The following RBFOX1 variants were observed in gnomAD, a reference collection of about 807,000 sequenced individuals.
RBFOX1 encodes RNA binding protein fox-1 homolog 1.
Under a neutral mutation model 57.7 loss-of-function variants are expected in RBFOX1, and 8 were observed. The ratio of observed to expected loss-of-function variants is 0.14; its 90% CI spans 0.08 to 0.25. The LOEUF (loss-of-function observed/expected upper bound fraction) is 0.25, where lower values mean the gene tolerates loss of function less well. Ranked by LOEUF, RBFOX1 falls within the 10% of genes least tolerant of loss-of-function variation. RBFOX1 has a pLI of 1.00. For missense variants in RBFOX1, 611 were observed against 548.5 expected (o/e 1.11, Z -1.14); for synonymous variants, 326 against 222.4 (o/e 1.47, Z -4.15).
At chr16:6,561,594 C>A (rs1460268225) in intron 2 of RBFOX1, among the ~76,000 whole-genome samples, 1 of 152,118 alleles carries the variant, frequency 6.6e-6, no homozygotes, top group East Asian at 1.9e-4. Context: ...TAGAACAAAC[C>A]AATTTTAGGA....
At chr16:6,607,453 CCTCT>C (rs1266141279) in intron 2 of RBFOX1, among the ~76,000 whole-genome samples, 4 of 139,126 alleles carry the variant, frequency 2.9e-5, no homozygotes, top group African/African-American at 1.1e-4. Flanking sequence ...TATCTCTCTT[CCTCT>C]CTCTCTTCCT....
chr16:5,971,566 C>A (rs2059962346), intron 4 of RBFOX1, among the ~76,000 whole-genome samples: 1 of 152,120 alleles, frequency 6.6e-6, no homozygotes, highest in Admixed American at 6.5e-5. Context: ...AAGTTAAAAT[C>A]CTGCTAATGC....
chr16:7,462,066 A>G lies in RBFOX1; in HGVS notation c.28-56081A>G, dbSNP rs986202482. 2.0e-5 allele frequency among the ~76,000 whole-genome samples: 3 copies of G among 152,206 alleles called. No homozygotes were observed. The South Asian group carries it at 6.2e-4, about 32-fold the overall frequency. On this transcript the variant is annotated intron_variant, in intron 4 of 15. Coordinates refer to ENST00000550418, the MANE Select transcript of RBFOX1 (RefSeq NM_018723.4). ...AGCTGTGGGGACAATAGAACTGTGA[A>G]AATCTTCTCCTGGGGTTCTTTTCTT...
intron 1 of RBFOX1, among the ~76,000 whole-genome samples, chr16:6,231,730 G>A (rs989791071): frequency 3.3e-5 from 5 of 151,976 alleles, no homozygotes; most frequent in Admixed American, 3.3e-4. Context: ...AAGTGGTGTT[G>A]TGTATGCTGT....
chr16:5,533,500 G>T (rs1411562100), intron 2 of RBFOX1, among the ~76,000 whole-genome samples: 1 of 152,188 alleles, frequency 6.6e-6, no homozygotes, highest in East Asian at 1.9e-4. Flanking sequence ...ATGAGTGCTT[G>T]TGTGTATTAC....
At chr16:6,542,138 C>A (rs58088753) in intron 2 of RBFOX1, among the ~76,000 whole-genome samples, 13 of 151,866 alleles carry the variant, frequency 8.6e-5, no homozygotes, top group Admixed American at 5.9e-4. Context: ...GTTGCCCAGC[C>A]TCGTCTCAAA....
intron 2 of RBFOX1, among the ~76,000 whole-genome samples, chr16:6,360,639 C>G (rs945903694): frequency 1.3e-5 from 2 of 152,106 alleles, no homozygotes; most frequent in African/African-American, 2.4e-5. Context: ...CTTGACAAAC[C>G]CTTTGTCAAG....
intron 3 of RBFOX1, among the ~76,000 whole-genome samples, chr16:6,783,700 A>G (rs1603623137): frequency 1.3e-5 from 2 of 152,150 alleles, no homozygotes; most frequent in Admixed American, 1.3e-4. Flanking sequence ...ATATTAGAAT[A>G]TTCTGTATTT....
At chr16:6,522,190 T>C (rs1457829124) in intron 2 of RBFOX1, among the ~76,000 whole-genome samples, 7 of 151,640 alleles carry the variant, frequency 4.6e-5, no homozygotes, top group Admixed American at 3.3e-4. Flanking sequence ...TGTGTGTGTG[T>C]GTGTGTCTTA....
intron 4 of RBFOX1, among the ~76,000 whole-genome samples, chr16:7,201,650 G>C (rs1017430630): frequency 5.3e-5 from 8 of 152,006 alleles, no homozygotes; most frequent in Non-Finnish European, 1.2e-4. Flanking sequence ...TTTTAGCAGA[G>C]ATATGGTTTC....
At chr16:6,797,899 G>T (rs769189549) in intron 3 of RBFOX1, among the ~76,000 whole-genome samples, 12 of 152,054 alleles carry the variant, frequency 7.9e-5, no homozygotes, top group Non-Finnish European at 1.6e-4. Context: ...CTTTTGGAAA[G>T]GTACTTAAAC....
intron 4 of RBFOX1, among the ~76,000 whole-genome samples, chr16:7,383,763 T>C (rs144215526): frequency 2.0e-5 from 3 of 152,286 alleles, no homozygotes; most frequent in African/African-American, 7.2e-5. Context: ...TATGTTAAAG[T>C]ATCCCAAGTA....
chr16:6,750,256 A>G (rs1472586778), intron 3 of RBFOX1, among the ~76,000 whole-genome samples: 1 of 152,228 alleles, frequency 6.6e-6, no homozygotes, highest in African/African-American at 2.4e-5. Flanking sequence ...ATTCATCAAT[A>G]GCTGTTAAGT....
chr16:5,363,351 G>A (rs2065609707), intron 1 of RBFOX1, among the ~76,000 whole-genome samples: 1 of 152,040 alleles, frequency 6.6e-6, no homozygotes, highest in South Asian at 2.1e-4. Flanking sequence ...AGCCTATTTT[G>A]GATAAATATT....
chr16:7,310,203 G>A (rs2096277438), intron 4 of RBFOX1, among the ~76,000 whole-genome samples: 1 of 152,332 alleles, frequency 6.6e-6, no homozygotes, highest in Middle Eastern at 3.4e-3. Flanking sequence ...CCTCTGCTGG[G>A]AGACAGAGCT....
intron 1 of RBFOX1, among the ~76,000 whole-genome samples, chr16:5,400,239 T>C (rs555364): frequency 0.079 from 11,979 of 151,888 alleles, 702 homozygotes; most frequent in African/African-American, 0.16. Context: ...TTACAGGTGC[T>C]TGCCACCACA....
intron 10 of RBFOX1, among the ~76,000 whole-genome samples, chr16:7,625,231 GT>G (rs2059905996): frequency 6.6e-6 from 1 of 152,114 alleles, no homozygotes; most frequent in Non-Finnish European, 1.5e-5. Context: ...CTGGGCACAG[GT>G]GGTGACAAGG....
intron 3 of RBFOX1, among the ~76,000 whole-genome samples, chr16:7,000,213 G>A (rs1275498007): frequency 6.6e-6 from 1 of 151,958 alleles, no homozygotes; most frequent in African/African-American, 2.4e-5. Context: ...CTTGAAAGTA[G>A]CAATAATCTG....
At chr16:5,608,224 C>A (rs1257616023) in intron 3 of RBFOX1, among the ~76,000 whole-genome samples, 1 of 152,102 alleles carries the variant, frequency 6.6e-6, no homozygotes, top group East Asian at 1.9e-4. Flanking sequence ...TTGTTGTTAC[C>A]CTCACTTCAC....
Sources: gnomAD v4.1 joint callset for allele counts (sites outside exome capture counted in the v4.1 genomes callset) on GRCh38, gnomAD v4.1.1 for gene constraint, MANE v1.5 for transcripts, NCBI Gene and HGNC (gene_info 2026-07-23, HGNC 2026-07-21) for gene names.